The following EYA4 variants were observed in gnomAD, a reference collection of about 807,000 sequenced individuals.
EYA4 encodes the protein EYA transcriptional coactivator and phosphatase 4, also known as protein phosphatase EYA4.
Under a neutral mutation model 87.9 loss-of-function variants are expected in EYA4, and 31 were observed. The observed-to-expected ratio is 0.35, with a 90% CI of 0.27 to 0.48. The LOEUF (loss-of-function observed/expected upper bound fraction) is 0.48, where lower values mean the gene tolerates loss of function less well. Among genes scored for constraint, EYA4 ranks in the 20% least tolerant of loss-of-function variants. The pLI, the probability that EYA4 is intolerant of heterozygous loss-of-function variation, is 0.99. For missense variants in EYA4, 678 were observed against 761.4 expected (o/e 0.89, Z 1.29); for synonymous variants, 263 against 270.6 (o/e 0.97, Z 0.28).
intron 17 of EYA4, among the ~76,000 whole-genome samples, chr6:133,516,556 C>CAAA (rs771877894): frequency 1.6e-5 from 2 of 124,056 alleles, no homozygotes; most frequent in Admixed American, 8.1e-5. Context: ...ACTAAAAATA[C>CAAA]AAAAAAAAAA....
chr6:133,462,832 A>T, intron 9 of EYA4, 68 bp downstream of exon 9: 1 of 1,390,314 alleles, frequency 7.2e-7, no homozygotes, highest in Non-Finnish European at 1.0e-6. Flanking sequence ...TTGGCTTCAG[A>T]CTAGGAATAT....
intron 1 of EYA4, among the ~76,000 whole-genome samples, chr6:133,267,914 A>T (rs940906491): frequency 6.6e-6 from 1 of 152,148 alleles, no homozygotes; most frequent in Admixed American, 6.6e-5. Flanking sequence ...ACAGAGATGG[A>T]TTGCTTTCTA....
intron 2 of EYA4, among the ~76,000 whole-genome samples, chr6:133,289,356 A>G (rs1274448598): frequency 1.3e-5 from 2 of 152,188 alleles, no homozygotes; most frequent in East Asian, 3.9e-4. Context: ...TAAGGGCTTA[A>G]GTAGTATAAA....
At chr6:133,253,370 G>C (rs867795617) in intron 1 of EYA4, among the ~76,000 whole-genome samples, 20 of 152,144 alleles carry the variant, frequency 1.3e-4, no homozygotes, top group Non-Finnish European at 2.9e-4. Context: ...ACTGGAGAAC[G>C]GCCAAAAACC....
chr6:133,279,782 G>A (rs759460450), intron 2 of EYA4, among the ~76,000 whole-genome samples: 66 of 152,048 alleles, frequency 4.3e-4, no homozygotes, highest in Admixed American at 1.7e-3. Flanking sequence ...TCTTTAAAAC[G>A]TGTACTCCTC....
chr6:133,337,705 AAAT>A (rs1198443058), intron 2 of EYA4, among the ~76,000 whole-genome samples: 1 of 152,198 alleles, frequency 6.6e-6, no homozygotes, highest in Non-Finnish European at 1.5e-5. Context: ...GTTTCAAGAC[AAAT>A]AATAAACTCT....
At chr6:133,438,735 G>T (rs1056356999) in intron 3 of EYA4, among the ~76,000 whole-genome samples, 15 of 151,976 alleles carry the variant, frequency 9.9e-5, no homozygotes, top group Non-Finnish European at 2.2e-4. Flanking sequence ...CCATTAATTT[G>T]TTTGATCATT....
At position 133,448,105 on chromosome 6, in the gene EYA4, T is replaced by G; in HGVS notation, c.209-6T>G. On this transcript the variant is annotated splice_polypyrimidine_tract_variant and splice_region_variant and intron_variant, in intron 4 of 19. Transcript: ENST00000355286. ...CAATGAACTTTTATACTGTTCCTGT[T>G]CTCAGGGGAAAACATGACTGTTTTA... 6.2e-7 allele frequency: 1 copy of G among 1,610,606 alleles called. No homozygotes were observed. The highest frequency in any genetic ancestry group is 8.5e-7 in the Non-Finnish European group (1 of 1,176,782).
At chr6:133,307,179 G>C (rs1354581296) in intron 2 of EYA4, among the ~76,000 whole-genome samples, 1 of 152,166 alleles carries the variant, frequency 6.6e-6, no homozygotes, top group Non-Finnish European at 1.5e-5. Flanking sequence ...ATCCTGAATC[G>C]TTTCTTCCAC....
intron 18 of EYA4, among the ~76,000 whole-genome samples, chr6:133,524,518 C>A (rs1258508280): frequency 6.6e-6 from 1 of 152,076 alleles, no homozygotes; most frequent in Non-Finnish European, 1.5e-5. Context: ...GTACTGTGGC[C>A]CAGTCAGACA....
intron 3 of EYA4, among the ~76,000 whole-genome samples, chr6:133,405,326 C>T (rs879915314): frequency 6.6e-6 from 1 of 152,164 alleles, no homozygotes; most frequent in Non-Finnish European, 1.5e-5. Context: ...TCCTTTCCCC[C>T]AGTAAAAACC....
At chr6:133,292,971 C>G (rs866605903) in intron 2 of EYA4, among the ~76,000 whole-genome samples, 4 of 152,216 alleles carry the variant, frequency 2.6e-5, no homozygotes, top group African/African-American at 9.7e-5. Context: ...CTCACTGTCA[C>G]ACAACACAGT....
intron 1 of EYA4, among the ~76,000 whole-genome samples, chr6:133,266,217 C>G (rs187671314): frequency 6.6e-6 from 1 of 152,182 alleles, no homozygotes; most frequent in East Asian, 1.9e-4. Flanking sequence ...GACTGTTGTA[C>G]TTAAGAGGAA....
intron 2 of EYA4, among the ~76,000 whole-genome samples, chr6:133,340,178 A>C (rs1382417447): frequency 6.6e-6 from 1 of 152,168 alleles, no homozygotes; most frequent in Non-Finnish European, 1.5e-5. Flanking sequence ...ATGTGTTAAA[A>C]CATGGGCAAA....
Position 133,415,876 on chromosome 6 carries a change from A to C in EYA4, c.84-30754A>C, listed in dbSNP as rs546298281. On this transcript the variant is annotated intron_variant, in intron 3 of 19. Coordinates refer to ENST00000355286, the MANE Select transcript of EYA4 (RefSeq NM_004100.5). ...CACAACAAGTATAAAACAGCGTGGA[A>C]GGGCAATAGTAGAGATATGTATAGG... Among the ~76,000 whole-genome samples, 3 of 152,344 alleles carry C rather than the reference A, an allele frequency of 2.0e-5. No homozygotes were observed. The South Asian group carries it at 6.2e-4, about 32-fold the overall frequency.
chr6:133,487,703 T>C lies in EYA4; in HGVS notation c.1191+4588T>C, dbSNP rs566910304. Among the ~76,000 whole-genome samples, 27 of 152,246 alleles carry C rather than the reference T, an allele frequency of 1.8e-4. 1 individual carries two copies. The South Asian group carries it at 4.4e-3, about 25-fold the overall frequency. On this transcript the variant is annotated intron_variant, in intron 13 of 19. Coordinates refer to ENST00000355286, the MANE Select transcript of EYA4 (RefSeq NM_004100.5). ...ACCTGCTACCAAGATTCATCACTCT[T>C]GGGCCCTGAATAATCAACAGTAGTA...
At chr6:133,374,251 T>G (rs1218539283) in intron 2 of EYA4, among the ~76,000 whole-genome samples, 1 of 152,084 alleles carries the variant, frequency 6.6e-6, no homozygotes, top group Non-Finnish European at 1.5e-5. Context: ...AAAGCTATTG[T>G]GACAGTTGTA....
chr6:133,311,238 C>T (rs1476640372), intron 2 of EYA4, among the ~76,000 whole-genome samples: 1 of 152,154 alleles, frequency 6.6e-6, no homozygotes, highest in Non-Finnish European at 1.5e-5. Flanking sequence ...TTGCTTCTGG[C>T]AGTGTCCCTT....
chr6:133,424,479 GC>G (rs1472778618), intron 3 of EYA4, among the ~76,000 whole-genome samples: 9 of 149,736 alleles, frequency 6.0e-5, no homozygotes, highest in Non-Finnish European at 1.2e-4. Context: ...GGTGCCAGGA[GC>G]AGAGAGAGGC....
Sources: gnomAD v4.1 joint callset for allele counts (sites outside exome capture counted in the v4.1 genomes callset) on GRCh38, gnomAD v4.1.1 for gene constraint, MANE v1.5 for transcripts, NCBI Gene and HGNC (gene_info 2026-07-23, HGNC 2026-07-21) for gene names.